The following HGF variants were observed in gnomAD, a reference collection of about 807,000 sequenced individuals.
The protein encoded by HGF is hepatocyte growth factor, also known as fibroblast-derived tumor cytotoxic factor.
In HGF, 39 loss-of-function variants were observed where a neutral mutation model predicts 111.6. The ratio of observed to expected loss-of-function variants is 0.35; its 90% CI spans 0.27 to 0.46. HGF has a LOEUF of 0.46. HGF is among the 20% of genes least tolerant of loss of function. The pLI, the probability that HGF is intolerant of heterozygous loss-of-function variation, is 1.00. For missense variants in HGF, 735 were observed against 910.5 expected, an observed-to-expected ratio of 0.81 and a Z score of 2.48; for synonymous variants, 285 against 294.8, an observed-to-expected ratio of 0.97 and a Z score of 0.34.
rs1419173372 is a variant in HGF, at chr7:81,724,057, T to C, written c.1168+1833A>G. On this transcript the variant is annotated intron_variant, in intron 9 of 17. Transcript: ENST00000222390. Reference sequence around the variant, plus strand: ...TCATATTCTATTACCTGATCCTTTTTAAGTGACGTATATGTATATAAAATA... The same window carrying C: ...TCATATTCTATTACCTGATCCTTTTCAAGTGACGTATATGTATATAAAATA... Among the ~76,000 whole-genome samples, 4 of 152,144 alleles carry C rather than the reference T, an allele frequency of 2.6e-5. No individual in the cohort carries two copies. In the East Asian group the frequency reaches 7.7e-4, roughly 29 times the overall value.
chr7:81,743,671 T>A (rs1242360418), intron 6 of HGF, among the ~76,000 whole-genome samples, 200 bp from the exon 7 acceptor site: 1 of 152,158 alleles, frequency 6.6e-6, no homozygotes, highest in African/African-American at 2.4e-5. Context: ...GGACAGAGTA[T>A]CATCCCCTGG....
In HGF at chr7:81,725,948, T is replaced by C; in HGVS notation, c.1110A>G (p.Pro370=). The stretch of plus-strand genomic sequence containing the variant: ...GGGAGCAGTAGCCAACTCGGATGTT[T>C]GGATCAGTGGTAAAACACCAGGGTG... ...SESPWCFTTD[P]NIRVGYCSQI... is the part of the protein sequence containing the mutation. The change falls in exon 9 of 18, where the codon CCA becomes CCG. Residue 370 remains proline, a synonymous_variant. Coordinates refer to ENST00000222390, the MANE Select transcript of HGF (RefSeq NM_000601.6). The C allele has an allele frequency of 1.2e-6, 2 of 1,614,074 alleles. No homozygotes were observed. The highest frequency in any genetic ancestry group is 1.7e-6 in the Non-Finnish European group (2 of 1,179,930).
intron 1 of HGF, 153 bp from the exon 2 acceptor site, chr7:81,763,025 A>C (rs1789177433): frequency 3.3e-6 from 2 of 611,718 alleles, no homozygotes; most frequent in East Asian, 5.5e-5. Flanking sequence ...TGAGGTAGGG[A>C]ATAGTTAAGA....
intron 4 of HGF, among the ~76,000 whole-genome samples, chr7:81,754,546 G>A (rs1217294586): frequency 6.6e-6 from 1 of 151,864 alleles, no homozygotes; most frequent in Non-Finnish European, 1.5e-5. Flanking sequence ...GCCAAAACAC[G>A]AATAAAATTC....
intron 8 of HGF, among the ~76,000 whole-genome samples, chr7:81,726,357 TG>T (rs1790010319): frequency 6.6e-6 from 1 of 152,184 alleles, no homozygotes; most frequent in Admixed American, 6.5e-5. Context: ...TTCAAAACAT[TG>T]GCCTGTTATT....
rs952247763 is a variant in HGF, at chr7:81,762,602, A to G, written c.254+105T>C. 3.2e-5 allele frequency: 30 copies of G among 928,388 alleles called. No homozygotes were observed. In the East Asian group the frequency reaches 6.7e-4, roughly 21 times the overall value. The allele number at this position is 928,388 out of a possible 1,614,324, so 57.5% of individuals were successfully genotyped here. On this transcript the variant is annotated intron_variant, in intron 2 of 17. Transcript: ENST00000222390. The stretch of plus-strand genomic sequence containing the variant: ...AGTTAAATCTAGAGTCAAACTTACA[A>G]TTTTATGATCAAATCACATTGACTA...
intron 1 of HGF, among the ~76,000 whole-genome samples, chr7:81,766,436 G>A (rs1789359806): frequency 6.6e-6 from 1 of 152,144 alleles, no homozygotes; most frequent in Non-Finnish European, 1.5e-5. Flanking sequence ...CCAAAGCCAA[G>A]AATTTCAAAT....
rs1208746154 is a variant in HGF at position 81,699,987 on chromosome 7, C to T, written c.*2594G>A. The T allele has an allele frequency of 1.3e-5, 2 of 151,682 alleles. No homozygotes were observed. The highest frequency in any genetic ancestry group is 4.8e-5 in the African/African-American group (2 of 41,412). The allele number at this position is 151,682 out of a possible 1,614,324, so 9.4% of individuals were successfully genotyped here. On this transcript the variant is annotated 3_prime_UTR_variant, in exon 18 of 18. Coordinates refer to ENST00000222390, the MANE Select transcript of HGF (RefSeq NM_000601.6). ...AAGGATTATCATTCCTTCTGCACGG[C>T]AGAGGCATTATGAAAAATATTTTAG...
At chr7:81,742,557 C>T in intron 7 of HGF, 5 of 273,190 alleles carry the variant, frequency 1.8e-5, no homozygotes, top group African/African-American at 2.3e-5. Flanking sequence ...TTTTAATATC[C>T]AGTTGAAAAA....
chr7:81,710,886 C>A (rs1032839050), intron 12 of HGF, among the ~76,000 whole-genome samples: 1 of 152,198 alleles, frequency 6.6e-6, no homozygotes, highest in Non-Finnish European at 1.5e-5. Context: ...TATCCATTTG[C>A]TTCCTGAGCC....
chr7:81,703,658 A>G (rs1357219028), intron 17 of HGF, among the ~76,000 whole-genome samples: 1 of 151,432 alleles, frequency 6.6e-6, no homozygotes, highest in African/African-American at 2.4e-5. Context: ...CACCACTTTC[A>G]TGAACCATGT....
chr7:81,711,398 A>C (rs568418022), intron 12 of HGF, 83 bp downstream of exon 12: 3 of 692,314 alleles, frequency 4.3e-6, no homozygotes, highest in African/African-American at 3.7e-5. Context: ...TAATATAGAT[A>C]ATTTTCTTTG....
At chr7:81,739,183 C>T (rs961577497) in intron 7 of HGF, among the ~76,000 whole-genome samples, 2 of 152,120 alleles carry the variant, frequency 1.3e-5, no homozygotes, top group Non-Finnish European at 2.9e-5. Context: ...CCTAGTATAA[C>T]CAATTTGTCA....
chr7:81,740,414 A>G (rs1326750670), intron 7 of HGF, among the ~76,000 whole-genome samples: 1 of 152,198 alleles, frequency 6.6e-6, no homozygotes, highest in Non-Finnish European at 1.5e-5. Flanking sequence ...CAACTTGTGT[A>G]CACACTGCAT....
At chr7:81,751,304 A>C in intron 5 of HGF, 2 of 985,190 alleles carry the variant, frequency 2.0e-6, no homozygotes, top group Non-Finnish European at 2.4e-6. Context: ...GATTTTTGGA[A>C]ATTTAGAGTT....
At chr7:81,706,513 A>G in intron 14 of HGF, 86 bp from the exon 15 acceptor site, 1 of 1,067,834 alleles carries the variant, frequency 9.4e-7, no homozygotes, top group East Asian at 2.5e-5. Flanking sequence ...ATTTTAGACT[A>G]TTAAGGCACA....
At chr7:81,720,983 C>A in intron 9 of HGF, 136 bp from the exon 10 acceptor site, 1 of 634,486 alleles carries the variant, frequency 1.6e-6, no homozygotes. Flanking sequence ...CGGTGGCTCA[C>A]GCCTGTAATC....
At chr7:81,718,862 G>C (rs1332113197) in intron 10 of HGF, among the ~76,000 whole-genome samples, 2 of 152,118 alleles carry the variant, frequency 1.3e-5, no homozygotes, top group Non-Finnish European at 2.9e-5. Flanking sequence ...AAGTCCATAA[G>C]AGCAATCCAC....
chr7:81,716,774 T>C (rs888439589), intron 11 of HGF, among the ~76,000 whole-genome samples: 2 of 152,178 alleles, frequency 1.3e-5, no homozygotes, highest in Non-Finnish European at 2.9e-5. Context: ...GGCTCTTCTT[T>C]AGTCTTAAAT....
Sources: allele counts gnomAD v4.1 joint callset (sites outside exome capture counted in the v4.1 genomes callset), GRCh38; gene constraint gnomAD v4.1.1; transcripts MANE v1.5; gene names NCBI Gene and HGNC (gene_info 2026-07-23, HGNC 2026-07-21).